The following NEDD9 variants were observed in gnomAD, a reference collection of about 807,000 sequenced individuals.
NEDD9 encodes the protein neural precursor cell expressed, developmentally down-regulated 9.
NEDD9 carries 26 observed loss-of-function variants against 76.6 expected under a neutral mutation model. That is an observed-to-expected ratio of 0.34 (90% CI 0.25 to 0.47). The LOEUF (loss-of-function observed/expected upper bound fraction) is 0.47. Among genes scored for constraint, NEDD9 ranks in the 20% least tolerant of loss-of-function variants. The pLI is 1.00. For missense variants in NEDD9, 937 were observed against 1,058.5 expected (o/e 0.89, Z 1.59); for synonymous variants, 392 against 414.2 (o/e 0.95, Z 0.65).
intron 1 of NEDD9, among the ~76,000 whole-genome samples, chr6:11,361,329 G>T (rs1438941435): frequency 6.6e-6 from 1 of 152,170 alleles, no homozygotes. Flanking sequence ...TCACGGTTCT[G>T]CAGGCTTTAC....
At chr6:11,296,681 C>T (rs867350044) in intron 3 of NEDD9, among the ~76,000 whole-genome samples, 11 of 115,568 alleles carry the variant, frequency 9.5e-5, no homozygotes, top group Non-Finnish European at 1.3e-4. Context: ...TTTCCTTTCC[C>T]TTCCTTCCTT....
At chr6:11,358,711 ATCAGGAC>A (rs1048610372) in intron 1 of NEDD9, among the ~76,000 whole-genome samples, 1 of 152,308 alleles carries the variant, frequency 6.6e-6, no homozygotes, top group African/African-American at 2.4e-5. Context: ...TTGATTTAGA[ATCAGGAC>A]TTTTCCCCCT....
intron 1 of NEDD9, chr6:11,214,134 G>A (rs892352950): frequency 4.0e-6 from 2 of 503,274 alleles, no homozygotes; most frequent in East Asian, 5.5e-5. Flanking sequence ...TCTCAATATT[G>A]TTCTATATTG....
intron 1 of NEDD9, among the ~76,000 whole-genome samples, chr6:11,227,562 G>C (rs1442231969): frequency 2.6e-5 from 4 of 152,134 alleles, no homozygotes; most frequent in Admixed American, 2.6e-4. Flanking sequence ...TAACACAAGA[G>C]CATAAAACAC....
intron 3 of NEDD9, among the ~76,000 whole-genome samples, chr6:11,242,804 G>T (rs1051980260): frequency 2.0e-5 from 3 of 152,150 alleles, no homozygotes; most frequent in Admixed American, 2.0e-4. Context: ...GGCCAGATGA[G>T]CTTGTGGAAT....
intron 3 of NEDD9, among the ~76,000 whole-genome samples, chr6:11,261,419 G>A (rs975670152): frequency 1.3e-5 from 2 of 152,186 alleles, no homozygotes; most frequent in African/African-American, 4.8e-5. Flanking sequence ...ATCAGTCATA[G>A]AGGTAAAACA....
Position 11,185,030 on chromosome 6 carries a change from C to T in NEDD9, c.*132G>A. 1 of 1,176,074 alleles carries T rather than the reference C, an allele frequency of 8.5e-7. No individual in the cohort carries two copies. Among genetic ancestry groups the T allele is most frequent in the Non-Finnish European group, 1.1e-6 (1 of 870,906 alleles). 72.9% of individuals were successfully genotyped at this position (1,176,074 alleles called of 1,614,324 possible). A position where few individuals can be genotyped will look rare whatever the true frequency, so the allele number is the denominator to read the frequency against. ...CCTGAATTTCTGAAAGTTGACTGAC[C>T]CATAAAATGTTAAAATATTTCATTT... On this transcript the variant is annotated 3_prime_UTR_variant, in exon 7 of 7. Transcript: ENST00000379446.
upstream of NEDD9, among the ~76,000 whole-genome samples, chr6:11,236,809 G>A (rs72827164): frequency 0.021 from 3,172 of 152,030 alleles, 47 homozygotes; most frequent in South Asian, 0.043. This position sits in a 1 kb window ranked among gnomAD's most constrained non-coding sequence, Gnocchi z 5.5. Context: ...CATTACTACC[G>A]TGTTTAAAAA....
chr6:11,357,981 G>A (rs1334194602), intron 1 of NEDD9, among the ~76,000 whole-genome samples: 1 of 152,176 alleles, frequency 6.6e-6, no homozygotes, highest in Non-Finnish European at 1.5e-5. Flanking sequence ...GCCGCATGGT[G>A]GCTCACGCCT....
chr6:11,280,974 G>T (rs1415037664), intron 3 of NEDD9, among the ~76,000 whole-genome samples: 1 of 152,230 alleles, frequency 6.6e-6, no homozygotes, highest in Non-Finnish European at 1.5e-5. Context: ...GACCTTCAAG[G>T]CCTCTTTGAA....
chr6:11,324,483 T>A (rs1561835339), intron 2 of NEDD9, among the ~76,000 whole-genome samples: 1 of 152,350 alleles, frequency 6.6e-6, no homozygotes, highest in East Asian at 1.9e-4. Flanking sequence ...GCACGTCACC[T>A]GTGTGCTTGC....
At chr6:11,331,631 T>G (rs1464398702) in intron 2 of NEDD9, among the ~76,000 whole-genome samples, 1 of 152,172 alleles carries the variant, frequency 6.6e-6, no homozygotes, top group Non-Finnish European at 1.5e-5. Context: ...GAGATTAGCA[T>G]AGGAGGTGCT....
At chr6:11,233,996 G>A (rs1336487632), upstream of NEDD9, among the ~76,000 whole-genome samples, 1 of 152,120 alleles carries the variant, frequency 6.6e-6, no homozygotes, top group African/African-American at 2.4e-5. Flanking sequence ...AGGAATGAGA[G>A]AACAGCTGTC....
At chr6:11,335,139 C>A (rs1321676395) in intron 1 of NEDD9, among the ~76,000 whole-genome samples, 1 of 152,104 alleles carries the variant, frequency 6.6e-6, no homozygotes, top group Non-Finnish European at 1.5e-5. Flanking sequence ...AAAAAAATCA[C>A]CATTTGGTGG....
At chr6:11,239,765 G>T (rs1369632058) in intron 3 of NEDD9, among the ~76,000 whole-genome samples, 2 of 151,988 alleles carry the variant, frequency 1.3e-5, no homozygotes, top group Non-Finnish European at 2.9e-5. Context: ...AAAATAATAG[G>T]CCAGGCACGG....
At position 11,190,386 on chromosome 6, in the gene NEDD9, A is replaced by T; in HGVS notation, c.1483T>A (p.Ser495Thr). 1.9e-6 allele frequency: 3 copies of T among 1,614,156 alleles called. No homozygotes were observed. The highest frequency in any genetic ancestry group is 2.5e-6 in the Non-Finnish European group (3 of 1,180,040). ...CTGGTTTGACTCAGGATCTGGTGGG[A>T]GTCTTCAACTCGTTGCAGCTCCCGC... The part of the protein sequence containing the change: ...MKRELQRVED[S>T]HQILSQTSHD... The change falls in exon 5 of 7, where the codon TCC becomes ACC. Residue 495 changes from serine to threonine, a missense_variant. By Grantham distance (58) the Ser-to-Thr change is moderately conservative. Transcript: ENST00000379446. The surrounding 1 kb of genome is among the most constrained non-coding windows in gnomAD (Gnocchi z 5.8).
At position 11,210,954 on chromosome 6, in the gene NEDD9, G is replaced by A. The variant is rs1006757846; in HGVS notation, c.459+2327C>T. 2.6e-5 allele frequency among the ~76,000 whole-genome samples: 4 copies of A among 152,230 alleles called. No homozygotes were observed. The East Asian group carries it at 5.8e-4, about 22-fold the overall frequency. On this transcript the variant is annotated intron_variant, in intron 2 of 6. Coordinates refer to ENST00000379446, the MANE Select transcript of NEDD9 (RefSeq NM_006403.4). Reference sequence around the variant, plus strand: ...TGGTATTTGGCAGGGAAGGTGCCAGGGCCACCCTCTTGCCCTCCCCATCCT... The same window carrying A: ...TGGTATTTGGCAGGGAAGGTGCCAGAGCCACCCTCTTGCCCTCCCCATCCT...
At chr6:11,309,732 T>G (rs1561827502) in intron 2 of NEDD9, among the ~76,000 whole-genome samples, 1 of 152,322 alleles carries the variant, frequency 6.6e-6, no homozygotes. Flanking sequence ...ATTTATGGGT[T>G]TTTCTTCTCC....
intron 3 of NEDD9, among the ~76,000 whole-genome samples, chr6:11,270,863 T>C (rs1469836894): frequency 1.3e-5 from 2 of 152,146 alleles, no homozygotes; most frequent in African/African-American, 4.8e-5. Context: ...GGAAGGCTTC[T>C]AGGAGGAGGT....
Sources: allele counts gnomAD v4.1 joint callset (sites outside exome capture counted in the v4.1 genomes callset), GRCh38; gene constraint gnomAD v4.1.1; non-coding constraint Gnocchi (gnomAD v3.1); transcripts MANE v1.5; gene names NCBI Gene and HGNC (gene_info 2026-07-23, HGNC 2026-07-21).